SMG1: variants seen among roughly 807,000 people sequenced by gnomAD.
SMG1 encodes the protein serine/threonine-protein kinase SMG1.
A neutral mutation model predicts 419.9 loss-of-function variants in SMG1; 22 were observed. That is an observed-to-expected ratio of 0.05 (90% CI 0.04 to 0.07). The LOEUF is 0.07. Ranked by LOEUF, SMG1 falls within the 10% of genes least tolerant of loss-of-function variation. The probability of loss-of-function intolerance (pLI) is 1.00; values close to 1 mark genes in which losing one functional copy is unlikely to be tolerated. For missense variants in SMG1, 3,185 were observed against 4,342.0 expected (o/e 0.73, Z 7.49); for synonymous variants, 1,538 against 1,553.5 (o/e 0.99, Z 0.23).
Position 18,870,894 on chromosome 16 carries a change from A to T in SMG1, c.2303-6T>A, listed in dbSNP as rs2035782231. 2 of 1,430,702 alleles carry T rather than the reference A, an allele frequency of 1.4e-6. No individual in the cohort carries two copies. Among genetic ancestry groups the T allele is most frequent in the African/African-American group, 2.8e-5 (2 of 70,612 alleles). 88.6% of individuals were successfully genotyped at this position (1,430,702 alleles called of 1,614,324 possible). On this transcript the variant is annotated splice_polypyrimidine_tract_variant and splice_region_variant and intron_variant, in intron 16 of 62. Transcript: ENST00000446231. Reference sequence around the variant, plus strand: ...ATTCACATCTTCAACGAGAGCTATTAAACATTAAAAGACAGTTACTTTCAG... The same window carrying T: ...ATTCACATCTTCAACGAGAGCTATTTAACATTAAAAGACAGTTACTTTCAG...
intron 1 of SMG1, among the ~76,000 whole-genome samples, chr16:18,901,625 CT>C (rs1196280322): frequency 6.6e-6 from 1 of 152,108 alleles, no homozygotes; most frequent in Non-Finnish European, 1.5e-5. Flanking sequence ...AGAGGTCTGG[CT>C]TTTACCTGTG....
chr16:18,880,557 G>T (rs1186590471), intron 10 of SMG1, among the ~76,000 whole-genome samples: 1 of 152,024 alleles, frequency 6.6e-6, no homozygotes, highest in Non-Finnish European at 1.5e-5. Context: ...TACTAAATTT[G>T]TTTTTAAATT....
Position 18,871,389 on chromosome 16 carries a change from T to C in SMG1, c.2277A>G (p.Lys759=), listed in dbSNP as rs1190194239. The part of the protein sequence containing the change: ...APLFSLPSFH[K]FCKGLLANTL... ...TGTTGGCTAAAAGGCCTTTGCAAAATTTATGGAAAGACGGAAGAGAGAATA... is the reference window on the plus strand; with the variant it reads ...TGTTGGCTAAAAGGCCTTTGCAAAACTTATGGAAAGACGGAAGAGAGAATA... The change falls in exon 16 of 63, where the codon AAA becomes AAG. Residue 759 remains lysine, a synonymous_variant. Transcript: ENST00000446231. The C allele has an allele frequency of 1.9e-6, 3 of 1,575,030 alleles. No individual in the cohort carries two copies. In the South Asian group the frequency reaches 3.6e-5, roughly 19 times the overall value.
At chr16:18,897,713 C>T (rs2037188920) in intron 1 of SMG1, among the ~76,000 whole-genome samples, 1 of 152,082 alleles carries the variant, frequency 6.6e-6, no homozygotes, top group Admixed American at 6.6e-5. Flanking sequence ...TAAGTATCTG[C>T]TCTACGCTTC....
At chr16:18,854,976 A>T in intron 29 of SMG1, 72 bp from the exon 30 acceptor site, 1 of 1,447,904 alleles carries the variant, frequency 6.9e-7, no homozygotes, top group Non-Finnish European at 9.3e-7. Context: ...TGGCCAAAAA[A>T]TTATTCCCCA....
chr16:18,850,542 C>T (rs1473604359), intron 33 of SMG1, 75 bp from the exon 34 acceptor site: 1 of 1,028,068 alleles, frequency 9.7e-7, no homozygotes, highest in African/African-American at 1.7e-5. Flanking sequence ...ATTTGACTAT[C>T]ATAAAAAATT....
At chr16:18,815,832 T>C (rs2031949840) in intron 58 of SMG1, 181 bp from the exon 59 acceptor site, 2 of 582,894 alleles carry the variant, frequency 3.4e-6, no homozygotes, top group East Asian at 5.8e-5. Context: ...AAAGTAAAAG[T>C]AAATTCTAAA....
intron 56 of SMG1, 115 bp downstream of exon 56, chr16:18,819,387 C>A: frequency 1.8e-6 from 2 of 1,103,644 alleles, no homozygotes; most frequent in Non-Finnish European, 2.6e-6. Context: ...CCTCCCAGGG[C>A]TGTGAGCCAG....
intron 1 of SMG1, among the ~76,000 whole-genome samples, chr16:18,915,340 G>A (rs1368302125): frequency 2.6e-5 from 4 of 152,060 alleles, no homozygotes; most frequent in African/African-American, 9.7e-5. Context: ...CTGTCCTTTT[G>A]AGCCTGCTCA....
At chr16:18,858,520 T>C in intron 28 of SMG1, 1 of 307,654 alleles carries the variant, frequency 3.3e-6, no homozygotes, top group South Asian at 9.9e-5. Context: ...CTTCAGAATA[T>C]TAAGTCTAAT....
In SMG1 at chr16:18,892,349, A is replaced by C. The variant is rs781354110; in HGVS notation, c.418T>G (p.Ser140Ala). ...CGAGACTCATCAGAATAAGACATCG[A>C]TCTCTCTGTGAATATATAAACATTT... ...TKDMRKSQER[S>A]MSYSDESRLS... The change falls in exon 4 of 63, where the codon TCG becomes GCG. Residue 140 changes from serine (S) to alanine (A), a missense_variant. Around this residue, in one of 27 missense-constraint regions of SMG1, gnomAD observed 42 missense variants for 100.1 expected, o/e 0.42. Transcript: ENST00000446231. 3.6e-5 allele frequency: 55 copies of C among 1,549,170 alleles called. No homozygotes were observed. The South Asian group carries it at 6.1e-4, about 17-fold the overall frequency.
chr16:18,875,067 C>A (rs1026930152), intron 13 of SMG1: 1 of 152,214 alleles, frequency 6.6e-6, no homozygotes, highest in Non-Finnish European at 1.5e-5. Context: ...AGTCTAAACA[C>A]GAAATTCACT....
Position 18,876,301 on chromosome 16 carries a change from T to C in SMG1, c.1713A>G (p.Glu571=), listed in dbSNP as rs1422876944. ...GGAGGTTGTTTAGGGCACAAGTCATTTCTCCCAATATTAACTTATAGGCAG... is the reference window on the plus strand; with the variant it reads ...GGAGGTTGTTTAGGGCACAAGTCATCTCTCCCAATATTAACTTATAGGCAG... The part of the protein sequence containing the change: ...LETAYKLILG[E]MTCALNNLLH... The change falls in exon 13 of 63, where the codon GAA becomes GAG. Residue 571 remains glutamate, a synonymous_variant. Transcript: ENST00000446231. 7 of 1,611,792 alleles carry C rather than the reference T, an allele frequency of 4.3e-6. No individual in the cohort carries two copies. The highest frequency in any genetic ancestry group is 1.1e-5 in the South Asian group (1 of 90,992).
intron 25 of SMG1, among the ~76,000 whole-genome samples, chr16:18,862,410 T>C (rs1164510653): frequency 6.6e-6 from 1 of 152,238 alleles, no homozygotes; most frequent in East Asian, 1.9e-4. Flanking sequence ...GTATAGAGAC[T>C]GAAAAGGAAA....
At chr16:18,834,034 G>C (rs971695808) in intron 50 of SMG1, among the ~76,000 whole-genome samples, 170 bp downstream of exon 50, 2 of 152,046 alleles carry the variant, frequency 1.3e-5, no homozygotes, top group Non-Finnish European at 2.9e-5. Context: ...AAAAAACAAA[G>C]AGCAACTGTA....
intron 1 of SMG1, chr16:18,900,012 T>C: frequency 1.3e-6 from 2 of 1,531,170 alleles, no homozygotes; most frequent in South Asian, 1.2e-5. Context: ...CTGTATAATA[T>C]GGAGCCTTTG....
intron 29 of SMG1, chr16:18,857,458 TGAA>T (rs2034976569): frequency 6.6e-6 from 1 of 152,106 alleles, no homozygotes; most frequent in Non-Finnish European, 1.5e-5. Context: ...TAAAAATGGG[TGAA>T]GAATTTGAAC....
At position 18,926,006 on chromosome 16, in the gene SMG1, G is replaced by C. The variant is rs2038390268; in HGVS notation, c.36C>G (p.Ser12Arg). The change falls in exon 1 of 63, where the codon AGC becomes AGG. Residue 12 changes from serine to arginine, a missense_variant. Around this residue, in one of 27 missense-constraint regions of SMG1, gnomAD observed 88 missense variants for 85.9 expected, o/e 1.02. Transcript: ENST00000446231. ...ACTTGGTGCCGCCGCCGCCGCCGCC[G>C]CTGCTCAGCCGAGACCCCGGGGCTC... Reference protein sequence around the residue: ...SRRAPGSRLSSGGGGGGTKYP... With the variant: ...SRRAPGSRLSRGGGGGGTKYP... The C allele has an allele frequency of 1.3e-6, 2 of 1,576,962 alleles. No individual in the cohort carries two copies. Among genetic ancestry groups the C allele is most frequent in the East Asian group, 4.7e-5 (2 of 42,654 alleles).
chr16:18,906,744 C>G (rs2037578206), intron 1 of SMG1, among the ~76,000 whole-genome samples: 1 of 152,228 alleles, frequency 6.6e-6, no homozygotes, highest in East Asian at 1.9e-4. Flanking sequence ...CTAAAGTTGT[C>G]TAGACTCCTC....
Sources: allele counts gnomAD v4.1 joint callset (sites outside exome capture counted in the v4.1 genomes callset), GRCh38; gene constraint gnomAD v4.1.1; regional missense constraint gnomAD v4.1.1; transcripts MANE v1.5; gene names NCBI Gene and HGNC (gene_info 2026-07-23, HGNC 2026-07-21).